FBXL5: variants seen among roughly 807,000 people sequenced by gnomAD.
FBXL5 encodes F-box/LRR-repeat protein 5.
Under a neutral mutation model 78.3 loss-of-function variants are expected in FBXL5, and 26 were observed. That is an observed-to-expected ratio of 0.33 (90% CI 0.24 to 0.46). FBXL5 has a LOEUF of 0.46. Among genes scored for constraint, FBXL5 ranks in the 20% least tolerant of loss-of-function variants. The probability of loss-of-function intolerance (pLI) is 1.00; values close to 1 mark genes in which losing one functional copy is unlikely to be tolerated. For synonymous variants in FBXL5, 295 were observed against 282.5 expected (o/e 1.04, Z -0.45); for missense variants, 710 against 829.2 (o/e 0.86, Z 1.77).
At chr4:15,669,163 T>C (rs761000226) in intron 1 of FBXL5, among the ~76,000 whole-genome samples, 4 of 152,150 alleles carry the variant, frequency 2.6e-5, no homozygotes, top group Non-Finnish European at 5.9e-5. Context: ...CACTAGGCCA[T>C]TGTCACTGCC....
chr4:15,651,062 C>T (rs1715975871), intron 1 of FBXL5, among the ~76,000 whole-genome samples: 1 of 152,156 alleles, frequency 6.6e-6, no homozygotes, highest in Admixed American at 6.5e-5. Context: ...AAGAAAACGG[C>T]ATAACAAAAA....
upstream of FBXL5, among the ~76,000 whole-genome samples, chr4:15,661,563 A>C (rs1003502520): frequency 7.2e-5 from 11 of 152,234 alleles, no homozygotes; most frequent in Admixed American, 3.3e-4. Flanking sequence ...TAACTGGAGA[A>C]GGGACTTGTC....
At position 15,605,276 on chromosome 4, in the gene FBXL5, A is replaced by C. The variant is rs1354809882; in HGVS notation, c.*447T>G. On this transcript the variant is annotated 3_prime_UTR_variant, in exon 11 of 11. Transcript: ENST00000341285. ...TGAAATAAAGGAAATATTACGGAAAAGAGATTAGTTTCCAAAAATGTGCTG... is the reference window on the plus strand; with the variant it reads ...TGAAATAAAGGAAATATTACGGAAACGAGATTAGTTTCCAAAAATGTGCTG... The C allele has an allele frequency of 6.5e-6, 1 of 152,982 alleles. No individual in the cohort carries two copies. The highest frequency in any genetic ancestry group is 2.4e-5 in the African/African-American group (1 of 41,474). 9.5% of individuals were successfully genotyped at this position (152,982 alleles called of 1,614,324 possible).
At position 15,610,648 on chromosome 4, in the gene FBXL5, T is replaced by A. The variant is rs148907038; in HGVS notation, c.1999+1618A>T. ...TCCCATCATCTAAATTATTTCAAAG[T>A]TTAAAAACATACAAACATAAAACAA... On this transcript the variant is annotated intron_variant, in intron 10 of 10. Transcript: ENST00000341285. Among the ~76,000 whole-genome samples the A allele has an allele frequency of 2.1e-4, 32 of 152,132 alleles. No homozygotes were observed. The East Asian group carries it at 5.2e-3, about 25-fold the overall frequency.
At chr4:15,671,005 C>A (rs1241690198) in intron 1 of FBXL5, among the ~76,000 whole-genome samples, 1 of 143,520 alleles carries the variant, frequency 7.0e-6, no homozygotes, top group African/African-American at 2.6e-5. Context: ...CTCACTATAA[C>A]CTCCGCCTCC....
At chr4:15,619,946 A>G (rs1478018877) in intron 9 of FBXL5, among the ~76,000 whole-genome samples, 6 of 152,184 alleles carry the variant, frequency 3.9e-5, no homozygotes, top group Non-Finnish European at 7.3e-5. Flanking sequence ...ACACATGCCA[A>G]TAGTCCCAGC....
upstream of FBXL5, among the ~76,000 whole-genome samples, chr4:15,662,704 G>T (rs531663946): frequency 1.4e-3 from 209 of 152,236 alleles, no homozygotes; most frequent in Middle Eastern, 6.8e-3. Flanking sequence ...AGTTAAAATT[G>T]AATCAATCCA....
Position 15,622,671 on chromosome 4 carries a change from G to C in FBXL5, c.1850+2581C>G, listed in dbSNP as rs114019931. Among the ~76,000 whole-genome samples, 449 of 152,242 alleles carry C rather than the reference G, an allele frequency of 2.9e-3. 2 individuals are homozygous for C. The highest frequency in any genetic ancestry group is 0.01 in the African/African-American group (425 of 41,550). ...GCAGAGAATTGTCTTAGTTACTCTA[G>C]ACCTCTAGCAATTAGAACAGTGCAA... On this transcript the variant is annotated intron_variant, in intron 9 of 10. Coordinates refer to ENST00000341285, the MANE Select transcript of FBXL5 (RefSeq NM_012161.4).
intron 2 of FBXL5, among the ~76,000 whole-genome samples, chr4:15,644,229 T>C (rs762652875): frequency 1.8e-4 from 28 of 152,218 alleles, no homozygotes; most frequent in African/African-American, 6.8e-4. Flanking sequence ...TAGTTTTCCA[T>C]CCACTCTTCC....
chr4:15,656,084 G>T, upstream of FBXL5: 1 of 433,438 alleles, frequency 2.3e-6, no homozygotes, highest in Non-Finnish European at 4.7e-6. Flanking sequence ...TGCACCTCAA[G>T]TGCAGGAACG....
Position 15,625,375 on chromosome 4 carries a change from G to C in FBXL5, c.1727C>G (p.Thr576Ser), listed in dbSNP as rs763863043. 8 of 1,614,056 alleles carry C rather than the reference G, an allele frequency of 5.0e-6. No homozygotes were observed. The highest frequency in any genetic ancestry group is 5.9e-6 in the Non-Finnish European group (7 of 1,180,040). ...TAAGTCTTTTCCCCTAGGCAATCTA[G>C]TCCTTGCTGCTTTTCTACACATTGC... ...SSAMCRKAAR[T>S]RLPRGKDLIY... The change falls in exon 9 of 11, where the codon ACT becomes AGT. Residue 576 changes from threonine to serine, a missense_variant. Physicochemically the swap from Thr to Ser is moderately conservative, Grantham distance 58. Coordinates refer to ENST00000341285, the MANE Select transcript of FBXL5 (RefSeq NM_012161.4).
chr4:15,673,909 ACT>A (rs1375129863), intron 1 of FBXL5, among the ~76,000 whole-genome samples: 1 of 152,236 alleles, frequency 6.6e-6, no homozygotes, highest in Non-Finnish European at 1.5e-5. Flanking sequence ...CATAGGACTC[ACT>A]TTGTTTCCTA....
chr4:15,655,435 G>A, upstream of FBXL5: 1 of 984,832 alleles, frequency 1.0e-6, no homozygotes, highest in Non-Finnish European at 1.2e-6. Context: ...CGGGGACGCG[G>A]GGGCGCGCAG....
chr4:15,651,931 G>A (rs1301083276), intron 1 of FBXL5, among the ~76,000 whole-genome samples: 1 of 152,154 alleles, frequency 6.6e-6, no homozygotes, highest in Non-Finnish European at 1.5e-5. Context: ...TTAATGTGGA[G>A]CTGACCGTGT....
intron 1 of FBXL5, among the ~76,000 whole-genome samples, chr4:15,654,164 A>G (rs2148726233): frequency 6.6e-6 from 1 of 152,302 alleles, no homozygotes; most frequent in East Asian, 1.9e-4. Flanking sequence ...TTTTCTGTAG[A>G]CAATGGTTCT....
intron 9 of FBXL5, 114 bp downstream of exon 9, chr4:15,625,138 A>T: frequency 1.7e-6 from 2 of 1,210,794 alleles, no homozygotes; most frequent in Non-Finnish European, 2.3e-6. Flanking sequence ...GATCTTGGTT[A>T]ATCCTTTTTG....
At chr4:15,650,473 G>A (rs1018773354) in intron 1 of FBXL5, among the ~76,000 whole-genome samples, 1 of 151,740 alleles carries the variant, frequency 6.6e-6, no homozygotes, top group Admixed American at 6.6e-5. Context: ...ACTACTAATA[G>A]GTCACAGGAC....
intron 1 of FBXL5, among the ~76,000 whole-genome samples, chr4:15,646,032 G>A (rs1465305871): frequency 1.3e-5 from 2 of 152,148 alleles, no homozygotes; most frequent in Admixed American, 6.6e-5. Context: ...CAATACATAA[G>A]TAAATAATCT....
intron 4 of FBXL5, 106 bp downstream of exon 4, chr4:15,638,402 G>A: frequency 1.5e-6 from 1 of 689,284 alleles, no homozygotes; most frequent in Non-Finnish European, 2.3e-6. Context: ...TGACCACAGT[G>A]CAGGCCTAAC....
Sources: allele counts gnomAD v4.1 joint callset (sites outside exome capture counted in the v4.1 genomes callset), GRCh38; gene constraint gnomAD v4.1.1; transcripts MANE v1.5; gene names NCBI Gene and HGNC (gene_info 2026-07-23, HGNC 2026-07-21).